Variants in ZNF536 observed in about 807,000 individuals in gnomAD.
The protein encoded by ZNF536 is zinc finger protein 536.
In ZNF536, 13 loss-of-function variants were observed where a neutral mutation model predicts 84.5. The observed-to-expected ratio is 0.15, with a 90% CI of 0.10 to 0.24. The LOEUF (loss-of-function observed/expected upper bound fraction) is 0.24. Among genes scored for constraint, ZNF536 ranks in the 10% least tolerant of loss-of-function variants. ZNF536 has a pLI of 1.00. For synonymous variants in ZNF536, 811 were observed against 742.5 expected, an observed-to-expected ratio of 1.09 and a Z score of -1.50; for missense variants, 1,536 against 1,747.5, an observed-to-expected ratio of 0.88 and a Z score of 2.16.
In ZNF536 at chr19:30,548,124, A is replaced by G. The variant is rs2146184057; in HGVS notation, c.2505A>G (p.Pro835=). The change falls in exon 4 of 5, where the codon CCA becomes CCG. Residue 835 remains proline, a synonymous_variant. Transcript: ENST00000355537. Reference sequence around the variant, plus strand: ...GCAAAGCTTCTCTGTTCATCAGGCCAGACATCCTGAGGGGGGCCTTCAAGG... The same window carrying G: ...GCAAAGCTTCTCTGTTCATCAGGCCGGACATCCTGAGGGGGGCCTTCAAGG... ...MSSKASLFIR[P]DILRGAFKGL... 6.2e-7 allele frequency: 1 copy of G among 1,614,122 alleles called. No homozygotes were observed. The highest frequency in any genetic ancestry group is 1.1e-5 in the South Asian group (1 of 91,084).
intron 2 of ZNF536, among the ~76,000 whole-genome samples, chr19:30,532,725 C>T (rs2044892325): frequency 1.3e-5 from 2 of 152,304 alleles, no homozygotes; most frequent in South Asian, 4.1e-4. Context: ...AGGAGATGGC[C>T]TTGCCACTGT....
At chr19:30,641,527 T>G (rs894682787) in intron 1 of ZNF536, among the ~76,000 whole-genome samples, 18 of 152,224 alleles carry the variant, frequency 1.2e-4, no homozygotes, top group African/African-American at 4.1e-4. Flanking sequence ...TATAGTTATT[T>G]ACCCTATTGT....
chr19:30,441,727 C>A (rs750457121), intron 1 of ZNF536, among the ~76,000 whole-genome samples: 41 of 152,370 alleles, frequency 2.7e-4, no homozygotes, highest in Middle Eastern at 3.4e-3. Context: ...TGCCCATGCA[C>A]CTTTACGCTT....
At chr19:30,461,325 G>A (rs1030427811) in intron 2 of ZNF536, among the ~76,000 whole-genome samples, 12 of 152,208 alleles carry the variant, frequency 7.9e-5, no homozygotes, top group African/African-American at 2.9e-4. Flanking sequence ...TGTAAATGCA[G>A]CAGAAGGCAG....
chr19:30,674,816 A>G (rs1365009144), intron 1 of ZNF536, among the ~76,000 whole-genome samples: 1 of 152,060 alleles, frequency 6.6e-6, no homozygotes, highest in Non-Finnish European at 1.5e-5. Flanking sequence ...GCATTTAGAG[A>G]TGGGAGTCAA....
chr19:30,498,250 A>C (rs939071990), intron 2 of ZNF536, among the ~76,000 whole-genome samples: 1 of 152,232 alleles, frequency 6.6e-6, no homozygotes, highest in African/African-American at 2.4e-5. Context: ...ATGGAATACT[A>C]TGCAGCCATA....
chr19:30,450,752 G>A (rs771836912), intron 2 of ZNF536, among the ~76,000 whole-genome samples: 1 of 152,146 alleles, frequency 6.6e-6, no homozygotes, highest in Non-Finnish European at 1.5e-5. Context: ...CTTATGAACA[G>A]ATCATAGTCT....
intron 1 of ZNF536, among the ~76,000 whole-genome samples, chr19:30,396,305 G>C (rs1254355130): frequency 6.6e-6 from 1 of 152,162 alleles, no homozygotes. Context: ...GAGATCACAT[G>C]ATCTGTGTTC....
intron 2 of ZNF536, among the ~76,000 whole-genome samples, chr19:30,333,453 G>C (rs753346649): frequency 5.3e-5 from 8 of 152,170 alleles, no homozygotes; most frequent in Non-Finnish European, 8.8e-5. Flanking sequence ...GTGGGTTGTG[G>C]TTTCTGAGAG....
chr19:30,440,697 G>T (rs2051995262), intron 1 of ZNF536, among the ~76,000 whole-genome samples: 1 of 152,170 alleles, frequency 6.6e-6, no homozygotes, highest in Non-Finnish European at 1.5e-5. Flanking sequence ...CTCAGACAGG[G>T]TGGGCACAGA....
At chr19:30,335,829 T>C (rs893770641) in intron 2 of ZNF536, among the ~76,000 whole-genome samples, 1 of 152,168 alleles carries the variant, frequency 6.6e-6, no homozygotes, top group Non-Finnish European at 1.5e-5. Context: ...CTGCTGCAAC[T>C]CACAGCTCAA....
At chr19:30,655,084 T>A (rs1359029973) in intron 1 of ZNF536, among the ~76,000 whole-genome samples, 2 of 152,184 alleles carry the variant, frequency 1.3e-5, no homozygotes, top group Non-Finnish European at 2.9e-5. Context: ...TGGGTACATC[T>A]AGGGAGTTAG....
upstream of ZNF536, among the ~76,000 whole-genome samples, chr19:30,368,768 G>A (rs893341949): frequency 6.6e-5 from 10 of 152,166 alleles, no homozygotes; most frequent in Non-Finnish European, 8.8e-5. Flanking sequence ...CCATGGATTC[G>A]ACAGCGGAGA....
At chr19:30,564,762 T>A (rs897332261) in intron 1 of ZNF536, among the ~76,000 whole-genome samples, 1 of 152,222 alleles carries the variant, frequency 6.6e-6, no homozygotes, top group Non-Finnish European at 1.5e-5. Flanking sequence ...CTGAGACAGA[T>A]GTTGTCTGTG....
In ZNF536 at chr19:30,548,762, C is replaced by A. The variant is rs77238711; in HGVS notation, c.3143C>A (p.Ala1048Glu). Reference sequence around the variant, plus strand: ...AACTGCAAAGACCAAGCCCGGGAGGCGAGTAAGATGGCCCTGCTGCCCTCG... The same window carrying A: ...AACTGCAAAGACCAAGCCCGGGAGGAGAGTAAGATGGCCCTGCTGCCCTCG... ...TVNCKDQAREASKMALLPSLQ... is the reference protein window; with the variant it reads ...TVNCKDQAREESKMALLPSLQ... Residue 1048 changes from alanine to glutamate, a missense_variant, in exon 4 of 5, where the codon GCG becomes GAG. Coordinates refer to ENST00000355537, the MANE Select transcript of ZNF536 (RefSeq NM_014717.3). 1 of 1,613,832 alleles carries A rather than the reference C, an allele frequency of 6.2e-7. No individual in the cohort carries two copies. The highest frequency in any genetic ancestry group is 8.5e-7 in the Non-Finnish European group (1 of 1,179,996).
intron 1 of ZNF536, among the ~76,000 whole-genome samples, chr19:30,255,782 G>A (rs973051300): frequency 3.9e-5 from 6 of 152,192 alleles, no homozygotes; most frequent in Non-Finnish European, 8.8e-5. Flanking sequence ...TGATTGTAGG[G>A]TGCAGGTCTT....
At chr19:30,240,589 C>G (rs1347179849) in intron 1 of ZNF536, among the ~76,000 whole-genome samples, 1 of 152,176 alleles carries the variant, frequency 6.6e-6, no homozygotes, top group Non-Finnish European at 1.5e-5. Context: ...TCCCACTGGC[C>G]CGCACATGAA....
chr19:30,328,149 A>C (rs1306116411), intron 2 of ZNF536, among the ~76,000 whole-genome samples: 4 of 152,208 alleles, frequency 2.6e-5, no homozygotes, highest in Non-Finnish European at 5.9e-5. Flanking sequence ...ACATGTGAAC[A>C]TGAAGGTGCC....
chr19:30,386,568 G>A (rs1204018591), intron 1 of ZNF536, among the ~76,000 whole-genome samples: 1 of 152,178 alleles, frequency 6.6e-6, no homozygotes, highest in Admixed American at 6.5e-5. Flanking sequence ...GGTAGAGAGG[G>A]GGTCTCAGTA....
Sources: gnomAD v4.1 joint callset for allele counts (sites outside exome capture counted in the v4.1 genomes callset) on GRCh38, gnomAD v4.1.1 for gene constraint, MANE v1.5 for transcripts, NCBI Gene and HGNC (gene_info 2026-07-23, HGNC 2026-07-21) for gene names.